Variants in PLD5 observed in about 807,000 individuals in gnomAD.
PLD5 encodes inactive phospholipase D5.
PLD5 carries 36 observed loss-of-function variants against 61.1 expected under a neutral mutation model. The observed-to-expected ratio is 0.59, with a 90% CI of 0.45 to 0.78. The LOEUF is 0.78. Ranked by LOEUF, PLD5 falls within the 30% of genes least tolerant of loss-of-function variation. The pLI is 0.00. For synonymous variants in PLD5, 243 were observed against 242.8 expected (o/e 1.00, Z -0.01); for missense variants, 515 against 644.4 (o/e 0.80, Z 2.17).
chr1:242,124,433 A>AAGGAGAAGGGG, intron 6 of PLD5, 35 bp downstream of exon 6: 1 of 1,582,070 alleles, frequency 6.3e-7, no homozygotes, highest in East Asian at 2.2e-5. Context: ...TTGGAGGAAG[A>AAGGAGAAGGGG]AGGAGAAGGG....
Position 242,479,486 on chromosome 1 carries a change from TG to T in PLD5, c.189+44601del, listed in dbSNP as rs1412614231. Among the ~76,000 whole-genome samples, 20 of 152,158 alleles carry T rather than the reference TG, an allele frequency of 1.3e-4. No individual in the cohort carries two copies. The East Asian group carries it at 2.5e-3, about 19-fold the overall frequency. On this transcript the variant is annotated intron_variant, in intron 1 of 9. Transcript: ENST00000536534. ...CTAATAAGACCTATTCTCTATAAAC[TG>T]AAAAACCACTGCTGAAAGAAATTTT...
chr1:242,488,749 G>C (rs1025935351), intron 1 of PLD5, among the ~76,000 whole-genome samples: 1 of 152,178 alleles, frequency 6.6e-6, no homozygotes, highest in Middle Eastern at 3.4e-3. Flanking sequence ...TAACCATACT[G>C]TATCAATATT....
intron 3 of PLD5, among the ~76,000 whole-genome samples, chr1:242,284,119 CTTTTTTTTTTT>C (rs565165218): frequency 7.9e-5 from 6 of 75,946 alleles, no homozygotes; most frequent in African/African-American, 1.1e-4. Flanking sequence ...TTTCTTTTTC[CTTTTTTTTTTT>C]TTTTTTTTTT....
intron 4 of PLD5, among the ~76,000 whole-genome samples, chr1:242,247,088 A>G (rs1348573921): frequency 1.3e-5 from 2 of 149,996 alleles, no homozygotes; most frequent in Non-Finnish European, 2.9e-5. Flanking sequence ...GGTTCACGCC[A>G]TTCTCCTGCC....
intron 5 of PLD5, among the ~76,000 whole-genome samples, chr1:242,167,074 A>AAT (rs58615140): frequency 0.15 from 4,296 of 29,068 alleles, 158 homozygotes; most frequent in African/African-American, 0.3. Context: ...AGACAATAAT[A>AAT]ATAGTAATAA....
At chr1:242,126,810 G>T (rs187368547) in intron 5 of PLD5, among the ~76,000 whole-genome samples, 235 of 152,172 alleles carry the variant, frequency 1.5e-3, no homozygotes, top group African/African-American at 5.5e-3. Context: ...ATAAATAGCC[G>T]GGACTTAATT....
chr1:242,167,078 G>GTAATAA (rs377540462), intron 5 of PLD5, among the ~76,000 whole-genome samples: 307 of 58,644 alleles, frequency 5.2e-3, no homozygotes, highest in African/African-American at 0.022. Flanking sequence ...AATAATAATA[G>GTAATAA]TAATAATAAT....
At chr1:242,315,283 C>T (rs1243450665) in intron 2 of PLD5, among the ~76,000 whole-genome samples, 1 of 152,190 alleles carries the variant, frequency 6.6e-6, no homozygotes, top group Non-Finnish European at 1.5e-5. Flanking sequence ...AATTAAGACA[C>T]TTTAAATTCC....
chr1:242,129,293 G>C (rs528547926), intron 5 of PLD5, among the ~76,000 whole-genome samples: 1 of 152,178 alleles, frequency 6.6e-6, no homozygotes, highest in Non-Finnish European at 1.5e-5. Flanking sequence ...TTAGGACCTG[G>C]AGTCAAGGCA....
At chr1:242,103,179 G>T (rs933872131) in intron 8 of PLD5, among the ~76,000 whole-genome samples, 15 of 152,116 alleles carry the variant, frequency 9.9e-5, no homozygotes, top group African/African-American at 3.4e-4. Flanking sequence ...AATAACAGGG[G>T]CTCCTCTGAG....
At chr1:242,436,022 A>G (rs1414378224) in intron 1 of PLD5, among the ~76,000 whole-genome samples, 1 of 152,154 alleles carries the variant, frequency 6.6e-6, no homozygotes, top group African/African-American at 2.4e-5. Flanking sequence ...TTCAAAACCC[A>G]TTAGAGTATC....
intron 5 of PLD5, among the ~76,000 whole-genome samples, chr1:242,179,945 T>C (rs930900741): frequency 2.9e-5 from 4 of 139,438 alleles, no homozygotes; most frequent in Admixed American, 2.8e-4. Flanking sequence ...TGTGTGTGTG[T>C]GTAGGGAGGA....
intron 4 of PLD5, among the ~76,000 whole-genome samples, chr1:242,260,715 A>G (rs1352338732): frequency 1.3e-5 from 2 of 152,274 alleles, no homozygotes; most frequent in Non-Finnish European, 2.9e-5. Flanking sequence ...AGTATATTCT[A>G]TGAACATACA....
intron 1 of PLD5, among the ~76,000 whole-genome samples, chr1:242,475,025 T>G (rs1441457126): frequency 6.6e-6 from 1 of 152,254 alleles, no homozygotes; most frequent in Non-Finnish European, 1.5e-5. Flanking sequence ...TCCAGCATAG[T>G]GCCTGGCAAA....
intron 1 of PLD5, among the ~76,000 whole-genome samples, chr1:242,420,831 T>A (rs1162464772): frequency 6.6e-6 from 1 of 152,062 alleles, no homozygotes; most frequent in Non-Finnish European, 1.5e-5. Flanking sequence ...TAGTCCTTTA[T>A]CTTCAAAAAA....
At chr1:242,398,461 G>A (rs192234516) in intron 1 of PLD5, among the ~76,000 whole-genome samples, 8 of 152,290 alleles carry the variant, frequency 5.3e-5, no homozygotes, top group African/African-American at 1.9e-4. Flanking sequence ...TAAAAAATGT[G>A]CTTTATCCTC....
intron 4 of PLD5, among the ~76,000 whole-genome samples, chr1:242,247,934 A>G (rs551253156): frequency 1.3e-5 from 2 of 152,312 alleles, no homozygotes; most frequent in South Asian, 2.1e-4. Flanking sequence ...GACTGGCTGA[A>G]GCAGAATCTC....
chr1:242,248,612 C>G, intron 4 of PLD5, among the ~76,000 whole-genome samples: 1 of 151,836 alleles, frequency 6.6e-6, no homozygotes, highest in Middle Eastern at 3.2e-3. Context: ...GTAACAAAGG[C>G]TGAAGGGAGC....
chr1:242,497,040 G>T (rs1269208446), intron 1 of PLD5, among the ~76,000 whole-genome samples: 1 of 152,176 alleles, frequency 6.6e-6, no homozygotes, highest in African/African-American at 2.4e-5. Context: ...CAGTTGGAAG[G>T]GGTCCCAGGA....
Sources: gnomAD v4.1 joint callset for allele counts (sites outside exome capture counted in the v4.1 genomes callset) on GRCh38, gnomAD v4.1.1 for gene constraint, MANE v1.5 for transcripts, NCBI Gene and HGNC (gene_info 2026-07-23, HGNC 2026-07-21) for gene names.